Variants in KLF12 observed in about 807,000 individuals in gnomAD.
KLF12 encodes the protein KLF transcription factor 12.
KLF12 carries 9 observed loss-of-function variants against 37.8 expected under a neutral mutation model. The observed-to-expected ratio is 0.24, with a 90% confidence interval of 0.14 to 0.42. The LOEUF is 0.42. KLF12 is among the 10% of genes least tolerant of loss of function. The probability of loss-of-function intolerance (pLI) is 1.00; values close to 1 mark genes in which losing one functional copy is unlikely to be tolerated. For missense variants in KLF12, 411 were observed against 516.0 expected (o/e 0.80, Z 1.97); for synonymous variants, 208 against 202.1 (o/e 1.03, Z -0.25).
chr13:74,299,959 G>A, the KLF12 span, among the ~76,000 whole-genome samples: 1 of 152,084 alleles, frequency 6.6e-6, no homozygotes, highest in Non-Finnish European at 1.5e-5. Context: ...GTAGAGAAAT[G>A]CTGAAAAGTT....
chr13:73,907,524 C>T (rs1011622684), intron 3 of KLF12, among the ~76,000 whole-genome samples: 32 of 152,136 alleles, frequency 2.1e-4, no homozygotes, highest in African/African-American at 7.7e-4. Flanking sequence ...GTCTTCTAAG[C>T]TTAACACAAA....
chr13:74,100,454 C>T (rs1217292054), intron 1 of KLF12, among the ~76,000 whole-genome samples: 2 of 152,096 alleles, frequency 1.3e-5, no homozygotes, highest in African/African-American at 4.8e-5. Flanking sequence ...CCCATTTCCA[C>T]TAAAAATACA....
At chr13:74,155,128 C>A in the KLF12 span, among the ~76,000 whole-genome samples, 62 of 152,248 alleles carry the variant, frequency 4.1e-4, 1 homozygote, top group East Asian at 0.012. Flanking sequence ...TCACAGGATC[C>A]TGGTTCTGAC....
chr13:73,814,864 C>T (rs980199205), intron 4 of KLF12, among the ~76,000 whole-genome samples: 3 of 151,978 alleles, frequency 2.0e-5, no homozygotes, highest in East Asian at 3.9e-4. Context: ...AAAGACTGAA[C>T]CAGTCCAAAA....
the KLF12 span, among the ~76,000 whole-genome samples, chr13:74,301,998 C>T: frequency 6.6e-6 from 1 of 152,128 alleles, no homozygotes; most frequent in African/African-American, 2.4e-5. Flanking sequence ...CAGGGACATT[C>T]ATTTCAATGA....
At chr13:74,295,457 T>C in the KLF12 span, among the ~76,000 whole-genome samples, 1 of 152,190 alleles carries the variant, frequency 6.6e-6, no homozygotes, top group Non-Finnish European at 1.5e-5. Flanking sequence ...GCCTTTGTAC[T>C]TGGGCAGAAT....
intron 6 of KLF12, among the ~76,000 whole-genome samples, chr13:73,750,508 G>A (rs534012323): frequency 1.1e-4 from 16 of 152,142 alleles, no homozygotes; most frequent in Non-Finnish European, 2.4e-4. Flanking sequence ...TTACACACGG[G>A]CCAACAAATA....
chr13:73,832,296 C>A (rs1471307814), intron 4 of KLF12, among the ~76,000 whole-genome samples: 1 of 152,150 alleles, frequency 6.6e-6, no homozygotes, highest in Non-Finnish European at 1.5e-5. Context: ...TTACGCTTCT[C>A]CAACTTTCGC....
intron 1 of KLF12, among the ~76,000 whole-genome samples, chr13:74,004,812 G>C (rs7989748): frequency 0.014 from 2,148 of 152,048 alleles, 40 homozygotes; most frequent in East Asian, 0.063. Context: ...AATCATTTAA[G>C]GTTTGGGGGA....
the KLF12 span, among the ~76,000 whole-genome samples, chr13:74,251,897 C>G: frequency 6.6e-6 from 1 of 152,168 alleles, no homozygotes; most frequent in African/African-American, 2.4e-5. Flanking sequence ...TTTCCAGACC[C>G]CAGTTGCAAG....
intron 6 of KLF12, among the ~76,000 whole-genome samples, chr13:73,752,775 G>A (rs1308618561): frequency 6.9e-6 from 1 of 145,284 alleles, no homozygotes; most frequent in Non-Finnish European, 1.5e-5. Context: ...ACCCAGGTGT[G>A]GCACGATCTC....
chr13:74,259,464 A>G, the KLF12 span: 1 of 152,170 alleles, frequency 6.6e-6, no homozygotes, highest in South Asian at 2.1e-4. Flanking sequence ...TGTTTCTTCC[A>G]CTTGGAATCT....
At chr13:74,055,945 G>T (rs1295515864) in intron 1 of KLF12, among the ~76,000 whole-genome samples, 2 of 152,184 alleles carry the variant, frequency 1.3e-5, no homozygotes, top group Admixed American at 6.5e-5. Context: ...AGAGGCAGAA[G>T]AAACAGAAAG....
chr13:74,112,696 TTCATCTCTCTCCC>T (rs1482021418), intron 1 of KLF12, among the ~76,000 whole-genome samples: 1 of 152,176 alleles, frequency 6.6e-6, no homozygotes, highest in Non-Finnish European at 1.5e-5. Flanking sequence ...TGGCAATTCC[TTCATCTCTCTCCC>T]GGAGACTTAA....
intron 6 of KLF12, among the ~76,000 whole-genome samples, chr13:73,735,623 A>C (rs1425392883): frequency 6.6e-6 from 1 of 152,164 alleles, no homozygotes; most frequent in Non-Finnish European, 1.5e-5. Context: ...GCATTTGGTC[A>C]AAAAAGGGTA....
the KLF12 span, among the ~76,000 whole-genome samples, chr13:74,287,364 G>GAGAGAGAGAT: frequency 1.3e-5 from 2 of 150,030 alleles, no homozygotes; most frequent in Admixed American, 1.3e-4. Flanking sequence ...GAGAGAGAGA[G>GAGAGAGAGAT]AGAGAGAGAG....
chr13:73,981,493 T>TA (rs1891687599), intron 2 of KLF12, among the ~76,000 whole-genome samples: 2 of 151,970 alleles, frequency 1.3e-5, no homozygotes, highest in South Asian at 2.1e-4. Flanking sequence ...CAATGTCAAG[T>TA]AAAAAAAGCA....
chr13:74,100,483 T>C (rs1485321892), intron 1 of KLF12, among the ~76,000 whole-genome samples: 1 of 152,050 alleles, frequency 6.6e-6, no homozygotes, highest in African/African-American at 2.4e-5. Context: ...CTAGGTGTGG[T>C]GGCAGGCGCC....
rs115627174 is a variant in KLF12 at position 73,787,748 on chromosome 13, G to C, written c.807-22748C>G. Reference sequence around the variant, plus strand: ...CCACTTCTGTTCTCGAAGATACAATGATTTGACTTGGAGACTATTTAACAA... The same window carrying C: ...CCACTTCTGTTCTCGAAGATACAATCATTTGACTTGGAGACTATTTAACAA... On this transcript the variant is annotated intron_variant, in intron 5 of 7. Coordinates refer to ENST00000377669, the MANE Select transcript of KLF12 (RefSeq NM_007249.5). Among the ~76,000 whole-genome samples the C allele has an allele frequency of 1.3e-3, 194 of 152,196 alleles. 1 individual carries two copies. The highest frequency in any genetic ancestry group is 4.5e-3 in the African/African-American group (185 of 41,540).
Sources: gnomAD v4.1 joint callset for allele counts (sites outside exome capture counted in the v4.1 genomes callset) on GRCh38, gnomAD v4.1.1 for gene constraint, MANE v1.5 for transcripts, NCBI Gene and HGNC (gene_info 2026-07-23, HGNC 2026-07-21) for gene names.